The following SHKBP1 variants were observed in gnomAD, a reference collection of about 807,000 sequenced individuals.
SHKBP1 encodes the protein SH3KBP1-binding protein 1.
SHKBP1 carries 71 observed loss-of-function variants against 83.9 expected under a neutral mutation model. That is an observed-to-expected ratio of 0.85 (90% CI 0.70 to 1.03). The LOEUF (loss-of-function observed/expected upper bound fraction) is 1.03. Among genes scored for constraint, SHKBP1 ranks in the 50% least tolerant of loss-of-function variants. The pLI, the probability that SHKBP1 is intolerant of heterozygous loss-of-function variation, is 0.00. For missense variants in SHKBP1, 824 were observed against 982.4 expected (o/e 0.84, Z 2.16); for synonymous variants, 371 against 398.0 (o/e 0.93, Z 0.81).
intron 13 of SHKBP1, 78 bp downstream of exon 13, chr19:40,587,022 C>T: frequency 7.4e-7 from 1 of 1,342,562 alleles, no homozygotes; most frequent in South Asian, 1.3e-5. Flanking sequence ...TGAGAATTTC[C>T]ACTGGGGAGG....
At chr19:40,577,986 C>CAT in intron 4 of SHKBP1, 168 bp from the exon 5 acceptor site, 3 of 698,108 alleles carry the variant, frequency 4.3e-6, no homozygotes, top group Non-Finnish European at 7.8e-6. Flanking sequence ...CACACACACA[C>CAT]ACACACTCAA....
In SHKBP1 at chr19:40,590,221, A is replaced by G. The variant is rs1568395146; in HGVS notation, c.1590-23A>G. 2.0e-6 allele frequency: 3 copies of G among 1,535,884 alleles called. No homozygotes were observed. Among genetic ancestry groups the G allele is most frequent in the Admixed American group, 3.9e-5 (2 of 51,158 alleles). Reference sequence around the variant, plus strand: ...GAAGGGTGAGAAAGCGAGGGTGACCACCTCCCCCACTGCACCCCCCAGGGT... The same window carrying G: ...GAAGGGTGAGAAAGCGAGGGTGACCGCCTCCCCCACTGCACCCCCCAGGGT... On this transcript the variant is annotated intron_variant, in intron 15 of 17. Transcript: ENST00000291842. The surrounding 1 kb of genome is among the most constrained non-coding windows in gnomAD (Gnocchi z 4.6).
At chr19:40,577,111 A>T in intron 1 of SHKBP1, 120 bp from the exon 2 acceptor site, 3 of 1,309,382 alleles carry the variant, frequency 2.3e-6, no homozygotes, top group Non-Finnish European at 3.2e-6. Flanking sequence ...TGGAGGCGCG[A>T]GATTCTGGAA....
intron 15 of SHKBP1, among the ~76,000 whole-genome samples, chr19:40,589,457 T>G: frequency 1.8e-5 from 2 of 109,960 alleles, no homozygotes; most frequent in East Asian, 3.4e-4. Context: ...CAGGGTGGGA[T>G]GGGGGGCCCA....
At position 40,591,379 on chromosome 19, in the gene SHKBP1, A is replaced by AT; in HGVS notation, c.*173dup. On this transcript the variant is annotated 3_prime_UTR_variant, in exon 18 of 18. Coordinates refer to ENST00000291842, the MANE Select transcript of SHKBP1 (RefSeq NM_138392.4). ...CTGGAAGCCAAAGTCACCCTCCCCA[A>AT]TAAAGTCCTCACTGCCAACATCTTG... The AT allele has an allele frequency of 1.8e-6, 1 of 551,468 alleles. No individual in the cohort carries two copies. Among genetic ancestry groups the AT allele is most frequent in the Admixed American group, 3.7e-5 (1 of 27,100 alleles). The allele number at this position is 551,468 out of a possible 1,614,324, so 34.2% of individuals were successfully genotyped here.
At chr19:40,577,752 A>C in intron 4 of SHKBP1, 122 bp downstream of exon 4, 1 of 1,286,398 alleles carries the variant, frequency 7.8e-7, no homozygotes, top group South Asian at 1.2e-5. Context: ...AACCTTGATC[A>C]CAGGCCGGGC....
chr19:40,590,662 C>G lies in SHKBP1; in HGVS notation c.1769-68C>G, dbSNP rs1462298301. Reference sequence around the variant, plus strand: ...GTCCTGACCCTCGGTGCTTGCACTGCAATGCAACCCAGGCCCTTGCCCTAT... The same window carrying G: ...GTCCTGACCCTCGGTGCTTGCACTGGAATGCAACCCAGGCCCTTGCCCTAT... On this transcript the variant is annotated intron_variant, in intron 16 of 17. Coordinates refer to ENST00000291842, the MANE Select transcript of SHKBP1 (RefSeq NM_138392.4). This position sits in a 1 kb window ranked among gnomAD's most constrained non-coding sequence, Gnocchi z 4.6. 6.0e-6 allele frequency: 9 copies of G among 1,508,540 alleles called. No homozygotes were observed. The highest frequency in any genetic ancestry group is 7.1e-6 in the Non-Finnish European group (8 of 1,126,702). The allele number at this position is 1,508,540 out of a possible 1,614,324, so 93.4% of individuals were successfully genotyped here.
chr19:40,578,321 G>A, intron 5 of SHKBP1, 109 bp downstream of exon 5: 1 of 1,465,754 alleles, frequency 6.8e-7, no homozygotes, highest in Non-Finnish European at 9.5e-7. Context: ...GTAGAGGTGG[G>A]AGGACTGGTT....
intron 14 of SHKBP1, 147 bp from the exon 15 acceptor site, chr19:40,588,935 A>C: frequency 1.6e-6 from 2 of 1,248,326 alleles, no homozygotes; most frequent in Non-Finnish European, 2.2e-6. Flanking sequence ...GACTGCCACA[A>C]CCCCCCAGCC....
intron 9 of SHKBP1, 57 bp from the exon 10 acceptor site, chr19:40,582,294 C>T: frequency 1.4e-6 from 2 of 1,391,410 alleles, no homozygotes; most frequent in Middle Eastern, 1.8e-4. Context: ...GTTCTTCCTC[C>T]CACCTCTCCT....
At position 40,590,470 on chromosome 19, in the gene SHKBP1, C is replaced by A; in HGVS notation, c.1768+48C>A. 1 of 1,553,086 alleles carries A rather than the reference C, an allele frequency of 6.4e-7. No homozygotes were observed. Among genetic ancestry groups the A allele is most frequent in the South Asian group, 1.2e-5 (1 of 82,438 alleles). On this transcript the variant is annotated intron_variant, in intron 16 of 17. Coordinates refer to ENST00000291842, the MANE Select transcript of SHKBP1 (RefSeq NM_138392.4). The surrounding 1 kb of genome is among the most constrained non-coding windows in gnomAD (Gnocchi z 4.6). ...CCCGTCCCAAGCCCCACAGCCTCAC[C>A]CAGAACCACTCTCCACTGCCAACTG...
chr19:40,577,863 G>A (rs969302848), intron 4 of SHKBP1: 2 of 621,238 alleles, frequency 3.2e-6, no homozygotes, highest in East Asian at 2.7e-5. Flanking sequence ...GCAACATAGC[G>A]AGACCCCTTC....
intron 12 of SHKBP1, 130 bp downstream of exon 12, chr19:40,583,847 A>G (rs140012629): frequency 6.8e-5 from 45 of 663,066 alleles, no homozygotes; most frequent in African/African-American, 4.1e-4. Flanking sequence ...ACTCTCTCTC[A>G]TTTTTTTTTC....
rs1183581855 is a variant in SHKBP1 at position 40,590,378 on chromosome 19, T to C, written c.1724T>C (p.Met575Thr). Reference protein sequence around the residue: ...LTGQANGSLAMWDLTTAMDGL... With the variant: ...LTGQANGSLATWDLTTAMDGL... ...GGCCAGGCCAACGGCAGCTTGGCCA[T>C]GTGGGACCTAACCACCGCCATGGAC... Residue 575 changes from methionine (M) to threonine (T), a missense_variant, in exon 16 of 18, where the codon ATG (methionine) becomes ACG (threonine). Around this residue, in one of 3 missense-constraint regions of SHKBP1, gnomAD observed 287 missense variants for 322.9 expected, o/e 0.89. Coordinates refer to ENST00000291842, the MANE Select transcript of SHKBP1 (RefSeq NM_138392.4). The surrounding 1 kb of genome is among the most constrained non-coding windows in gnomAD (Gnocchi z 4.6). 3.7e-6 allele frequency: 6 copies of C among 1,611,950 alleles called. No homozygotes were observed. Among genetic ancestry groups the C allele is most frequent in the South Asian group, 2.2e-5 (2 of 90,960 alleles).
At chr19:40,587,039 G>A (rs919108794) in intron 13 of SHKBP1, 95 bp downstream of exon 13, 2 of 1,201,956 alleles carry the variant, frequency 1.7e-6, no homozygotes, top group East Asian at 2.5e-5. Flanking sequence ...GAGGGACATT[G>A]TGTAGGAAGA....
At chr19:40,588,951 T>C (rs2081333965) in intron 14 of SHKBP1, 131 bp from the exon 15 acceptor site, 1 of 1,267,844 alleles carries the variant, frequency 7.9e-7, no homozygotes, top group African/African-American at 1.5e-5. Context: ...CAGCCCTCTC[T>C]GGCCCTGCCC....
At chr19:40,587,038 T>G in intron 13 of SHKBP1, 94 bp downstream of exon 13, 1 of 1,217,182 alleles carries the variant, frequency 8.2e-7, no homozygotes, top group Non-Finnish European at 1.2e-6. Flanking sequence ...GGAGGGACAT[T>G]GTGTAGGAAG....
chr19:40,578,523 T>C lies in SHKBP1; in HGVS notation c.381T>C (p.Asn127=), dbSNP rs1368390554. ...CTTCTTGTGGAAACGTCCTCTTCAA[T>C]GGTTACCTGCCGCCACCAGGTAGGC... ...DRSSCGNVLF[N]GYLPPPVFPV... Residue 127 remains asparagine, a synonymous_variant, in exon 6 of 18, where the codon AAT becomes AAC. Coordinates refer to ENST00000291842, the MANE Select transcript of SHKBP1 (RefSeq NM_138392.4). 2 of 1,613,888 alleles carry C rather than the reference T, an allele frequency of 1.2e-6. No individual in the cohort carries two copies. The highest frequency in any genetic ancestry group is 1.1e-5 in the South Asian group (1 of 91,068).
At chr19:40,584,549 C>A (rs1278796647) in intron 12 of SHKBP1, among the ~76,000 whole-genome samples, 6 of 152,206 alleles carry the variant, frequency 3.9e-5, no homozygotes, top group African/African-American at 1.4e-4. Context: ...TCATCACCCC[C>A]GTAAGAAACC....
Sources: allele counts gnomAD v4.1 joint callset (sites outside exome capture counted in the v4.1 genomes callset), GRCh38; gene constraint gnomAD v4.1.1; regional missense constraint gnomAD v4.1.1; non-coding constraint Gnocchi (gnomAD v3.1); transcripts MANE v1.5; gene names NCBI Gene and HGNC (gene_info 2026-07-23, HGNC 2026-07-21).